The following DNAH3 variants were observed in gnomAD, a reference collection of about 807,000 sequenced individuals.
The protein encoded by DNAH3 is dynein axonemal heavy chain 3, also known as axonemal beta dynein heavy chain 3.
DNAH3 carries 332 observed loss-of-function variants against 432.5 expected under a neutral mutation model. The observed-to-expected ratio is 0.77, with a 90% confidence interval of 0.70 to 0.84. DNAH3 has a LOEUF of 0.84. DNAH3 is among the 40% of genes least tolerant of loss of function. The pLI is 0.00. For missense variants in DNAH3, 4,861 were observed against 5,114.0 expected, an observed-to-expected ratio of 0.95 and a Z score of 1.51; for synonymous variants, 1,956 against 1,900.2, an observed-to-expected ratio of 1.03 and a Z score of -0.76.
Position 21,150,425 on chromosome 16 carries a change from T to C in DNAH3, c.118-4337A>G. 1 of 417,956 alleles carries C rather than the reference T, an allele frequency of 2.4e-6. No individual in the cohort carries two copies. Among genetic ancestry groups the C allele is most frequent in the Non-Finnish European group, 4.7e-6 (1 of 215,036 alleles). The allele number at this position is 417,956 out of a possible 1,614,324, so 25.9% of individuals were successfully genotyped here. ...AGTTGGTCTGAAATTCACACTTCCTTATAGCATAATGGGGATGACACCAAC... is the reference window on the plus strand; with the variant it reads ...AGTTGGTCTGAAATTCACACTTCCTCATAGCATAATGGGGATGACACCAAC... On this transcript the variant is annotated intron_variant, in intron 1 of 61. The change creates a new upstream start codon in the 5' untranslated region. Coordinates refer to ENST00000261383, the Ensembl canonical transcript of DNAH3.
intron 39 of DNAH3, 30 bp downstream of exon 39, chr16:21,024,566 G>A: frequency 6.6e-7 from 1 of 1,506,126 alleles, no homozygotes; most frequent in Non-Finnish European, 9.0e-7. Context: ...GAGACAGCAG[G>A]AGGGGAAGGA....
At position 21,087,114 on chromosome 16, in the gene DNAH3, C is replaced by T. The variant is rs947357511; in HGVS notation, c.2666-54G>A. 173 of 1,426,994 alleles carry T rather than the reference C, an allele frequency of 1.2e-4. No homozygotes were observed. In the African/African-American group the frequency reaches 1.7e-3, roughly 14 times the overall value. The allele number at this position is 1,426,994 out of a possible 1,614,324, so 88.4% of individuals were successfully genotyped here. A position where few individuals can be genotyped will look rare whatever the true frequency, so the allele number is the denominator to read the frequency against. ...GACCATCATGTGGATGTTAGTCATG[C>T]GTACCTTTAATTCCCTGAACTTAGA... is the stretch of plus-strand genomic sequence containing the variant. On this transcript the variant is annotated intron_variant, in intron 18 of 61. Coordinates refer to ENST00000261383, the Ensembl canonical transcript of DNAH3.
At chr16:21,024,598 A>G (rs2088440824) in exon 39 of DNAH3, 8 of 1,606,830 alleles carry the variant, frequency 5.0e-6, no homozygotes, top group Non-Finnish European at 6.8e-6. Flanking sequence ...GGGCTCACCA[A>G]TTCTTTGTGC....
intron 20 of DNAH3, among the ~76,000 whole-genome samples, chr16:21,078,952 C>T (rs369052843): frequency 2.0e-5 from 3 of 152,230 alleles, no homozygotes; most frequent in African/African-American, 4.8e-5. Flanking sequence ...TAACTCTAAT[C>T]ACCTAGCTAC....
At chr16:21,051,739 A>G in exon 29 of DNAH3, 1 of 1,614,000 alleles carries the variant, frequency 6.2e-7, no homozygotes, top group Middle Eastern at 1.7e-4. Flanking sequence ...ATAGCCATAC[A>G]AGGCTTCTGT....
chr16:21,154,955 T>C (rs924881066), intron 1 of DNAH3, among the ~76,000 whole-genome samples: 105 of 150,512 alleles, frequency 7.0e-4, no homozygotes, highest in African/African-American at 2.2e-3. Context: ...TTCTTTCTTT[T>C]TTTTTTTTTT....
intron 1 of DNAH3, among the ~76,000 whole-genome samples, chr16:21,148,217 C>T (rs2092809867): frequency 6.6e-6 from 1 of 152,110 alleles, no homozygotes; most frequent in Admixed American, 6.6e-5. Flanking sequence ...CCCGGAGCAC[C>T]TACCTCATTA....
chr16:21,122,016 A>AG lies in DNAH3; in HGVS notation c.1512_1513insC (p.Phe505LeufsTer2). The AG allele has an allele frequency of 6.2e-7, 1 of 1,613,918 alleles. No homozygotes were observed. Among genetic ancestry groups the AG allele is most frequent in the Non-Finnish European group, 8.5e-7 (1 of 1,179,882 alleles). On this transcript the variant is annotated frameshift_variant, in exon 10 of 62. Transcript: ENST00000261383. LOFTEE classifies it high-confidence loss of function. ...CGTATTAATTCCCAGCAGCCATCAA[A>AG]AGATGGATTGAAGACAATAATGGGT...
intron 43 of DNAH3, among the ~76,000 whole-genome samples, chr16:20,999,197 G>A (rs1487882865): frequency 2.0e-5 from 3 of 152,162 alleles, no homozygotes; most frequent in Non-Finnish European, 2.9e-5. Context: ...GGAGGCTGCA[G>A]TGAGCTGTGA....
chr16:21,146,197 T>G (rs2092781036), intron 1 of DNAH3, 109 bp from the exon 3 acceptor site: 4 of 662,310 alleles, frequency 6.0e-6, no homozygotes, highest in Non-Finnish European at 1.1e-5. Flanking sequence ...GGTCCAGAGT[T>G]CTGGACCTAA....
At chr16:21,050,045 T>C (rs1458078265) in intron 29 of DNAH3, 27 bp from the exon 30 acceptor site, 18 of 1,518,364 alleles carry the variant, frequency 1.2e-5, no homozygotes, top group Non-Finnish European at 1.6e-5. Flanking sequence ...AGAACTTCAG[T>C]GCTTGAGGTC....
intron 22 of DNAH3, among the ~76,000 whole-genome samples, chr16:21,070,506 C>T (rs2090742442): frequency 6.6e-6 from 1 of 152,168 alleles, no homozygotes; most frequent in Admixed American, 6.6e-5. Context: ...TGGTCTTGAA[C>T]TCCTGACCTC....
intron 31 of DNAH3, among the ~76,000 whole-genome samples, chr16:21,047,727 G>T (rs569741023): frequency 0.019 from 2,815 of 152,080 alleles, 87 homozygotes; most frequent in African/African-American, 0.064. Context: ...GAGGAACTGC[G>T]TTCCTTTGGA....
chr16:21,093,107 G>T (rs569460859), intron 18 of DNAH3, among the ~76,000 whole-genome samples: 1 of 152,204 alleles, frequency 6.6e-6, no homozygotes, highest in East Asian at 1.9e-4. Context: ...TATTAAAATG[G>T]TCAAAACTCA....
At chr16:21,151,052 C>T (rs576271245) in intron 1 of DNAH3, among the ~76,000 whole-genome samples, 1 of 152,266 alleles carries the variant, frequency 6.6e-6, no homozygotes, top group South Asian at 2.1e-4. Flanking sequence ...AATAAAAGAC[C>T]TTTGGAGACG....
chr16:21,054,385 T>C (rs749026753), intron 28 of DNAH3, 35 bp downstream of exon 28: 2 of 1,466,424 alleles, frequency 1.4e-6, no homozygotes, highest in Non-Finnish European at 1.9e-6. Context: ...TTCTCCTGGA[T>C]AGTCAGTAAT....
intron 17 of DNAH3, 89 bp downstream of exon 17, chr16:21,098,527 A>G (rs2091752546): frequency 1.5e-6 from 2 of 1,325,040 alleles, no homozygotes; most frequent in Non-Finnish European, 2.1e-6. Context: ...CACCTAGTAG[A>G]TGCTATTAGG....
At chr16:21,049,357 G>C (rs1057097922) in intron 31 of DNAH3, among the ~76,000 whole-genome samples, 62 of 152,182 alleles carry the variant, frequency 4.1e-4, no homozygotes, top group Non-Finnish European at 2.2e-4. Flanking sequence ...GCAAGTGAAT[G>C]AATTAATATG....
chr16:20,948,791 G>A (rs771638974), intron 56 of DNAH3, among the ~76,000 whole-genome samples, 154 bp from the exon 57 acceptor site: 3 of 152,064 alleles, frequency 2.0e-5, no homozygotes, highest in African/African-American at 7.2e-5. Context: ...AGAAGATGGC[G>A]GGTCCCCTGC....
Sources: gnomAD v4.1 joint callset for allele counts (sites outside exome capture counted in the v4.1 genomes callset) on GRCh38, gnomAD v4.1.1 for gene constraint, MANE v1.5 for transcripts, NCBI Gene and HGNC (gene_info 2026-07-23, HGNC 2026-07-21) for gene names.